The following PMFBP1 variants were observed in gnomAD, a reference collection of about 807,000 sequenced individuals.
The protein encoded by PMFBP1 is polyamine-modulated factor 1-binding protein 1.
PMFBP1 carries 131 observed loss-of-function variants against 137.8 expected under a neutral mutation model. That is an observed-to-expected ratio of 0.95 (90% CI 0.82 to 1.10). The LOEUF (loss-of-function observed/expected upper bound fraction) is 1.10. Among genes scored for constraint, PMFBP1 ranks in the 50% least tolerant of loss-of-function variants. The pLI, the probability that PMFBP1 is intolerant of heterozygous loss-of-function variation, is 0.00. For missense variants in PMFBP1, 1,199 were observed against 1,175.4 expected, an observed-to-expected ratio of 1.02 and a Z score of -0.29; for synonymous variants, 490 against 450.4, an observed-to-expected ratio of 1.09 and a Z score of -1.11.
the PMFBP1 span, among the ~76,000 whole-genome samples, chr16:72,240,978 AG>A: frequency 6.6e-6 from 1 of 151,950 alleles, no homozygotes; most frequent in Non-Finnish European, 1.5e-5. Context: ...GCAAAGGTGC[AG>A]GTGGAGGGGG....
chr16:72,240,965 G>C, the PMFBP1 span, among the ~76,000 whole-genome samples: 1 of 152,054 alleles, frequency 6.6e-6, no homozygotes, highest in African/African-American at 2.4e-5. Context: ...GAGAGAGAGA[G>C]TGGCAAAGGT....
intron 2 of PMFBP1, among the ~76,000 whole-genome samples, chr16:72,165,439 G>C (rs1406762872): frequency 6.7e-6 from 1 of 150,252 alleles, no homozygotes; most frequent in East Asian, 2.0e-4. Context: ...TTTTGAGACG[G>C]AGACTTGCTC....
At chr16:72,156,909 T>C (rs1168425026) in intron 3 of PMFBP1, among the ~76,000 whole-genome samples, 3 of 151,878 alleles carry the variant, frequency 2.0e-5, no homozygotes, top group South Asian at 2.1e-4. Flanking sequence ...CAAAATCGGC[T>C]GGGTGCGGTG....
upstream of PMFBP1, among the ~76,000 whole-genome samples, chr16:72,176,553 G>A (rs572234838): frequency 6.6e-4 from 101 of 152,312 alleles, no homozygotes; most frequent in African/African-American, 2.4e-3. Flanking sequence ...AAGAGAAGTA[G>A]TGCACAGCTC....
chr16:72,173,522 T>C (rs184097615), upstream of PMFBP1, among the ~76,000 whole-genome samples: 141 of 152,280 alleles, frequency 9.3e-4, 1 homozygote, highest in Non-Finnish European at 3.1e-4. Context: ...TGAAAATATA[T>C]TGAAATTTAC....
chr16:72,166,564 A>T (rs185428196), intron 2 of PMFBP1, among the ~76,000 whole-genome samples: 11 of 152,320 alleles, frequency 7.2e-5, no homozygotes, highest in African/African-American at 2.4e-4. Flanking sequence ...CTATTAAAGA[A>T]ACACTCCCAA....
chr16:72,205,078 C>A, the PMFBP1 span, among the ~76,000 whole-genome samples: 1 of 152,182 alleles, frequency 6.6e-6, no homozygotes, highest in South Asian at 2.1e-4. Context: ...ACTCTGGATG[C>A]CATCCTCAGT....
chr16:72,133,396 C>T (rs2042577703), intron 9 of PMFBP1, among the ~76,000 whole-genome samples: 1 of 152,068 alleles, frequency 6.6e-6, no homozygotes, highest in Non-Finnish European at 1.5e-5. Context: ...CCCGGCTGGT[C>T]TCAAACTCCT....
chr16:72,246,531 T>C, the PMFBP1 span, among the ~76,000 whole-genome samples: 1 of 151,938 alleles, frequency 6.6e-6, no homozygotes, highest in Non-Finnish European at 1.5e-5. Context: ...TGCTGTCCCT[T>C]CTGCTTGAGG....
chr16:72,150,976 A>G, intron 4 of PMFBP1, 147 bp from the exon 5 acceptor site: 1 of 699,260 alleles, frequency 1.4e-6, no homozygotes, highest in Non-Finnish European at 2.4e-6. Context: ...TCTAAAAGCT[A>G]CAGTATGTAA....
intron 2 of PMFBP1, among the ~76,000 whole-genome samples, chr16:72,167,858 A>G (rs1483453652): frequency 1.3e-5 from 2 of 152,236 alleles, no homozygotes; most frequent in African/African-American, 4.8e-5. Context: ...CTGAGGGCTC[A>G]CTAACAAAAT....
At chr16:72,217,277 GT>G in the PMFBP1 span, among the ~76,000 whole-genome samples, 1 of 152,072 alleles carries the variant, frequency 6.6e-6, no homozygotes, top group Non-Finnish European at 1.5e-5. Context: ...TGCACAGCAA[GT>G]TATTTATAAT....
chr16:72,157,814 G>A (rs1049649429), intron 3 of PMFBP1, among the ~76,000 whole-genome samples: 10 of 152,164 alleles, frequency 6.6e-5, no homozygotes, highest in South Asian at 2.1e-4. Context: ...GGATGACGGC[G>A]TGGACCAAGA....
chr16:72,177,690 G>C (rs939727551), upstream of PMFBP1, among the ~76,000 whole-genome samples: 1 of 152,094 alleles, frequency 6.6e-6, no homozygotes, highest in African/African-American at 2.4e-5. Context: ...ACTTTGTTAG[G>C]ATGTCACCAG....
At chr16:72,224,744 T>C in the PMFBP1 span, 14 of 152,302 alleles carry the variant, frequency 9.2e-5, no homozygotes, top group African/African-American at 3.1e-4. Context: ...ACAGTGCCTG[T>C]GAATACTTGT....
At chr16:72,201,996 A>G in the PMFBP1 span, among the ~76,000 whole-genome samples, 1 of 152,188 alleles carries the variant, frequency 6.6e-6, no homozygotes, top group Non-Finnish European at 1.5e-5. Flanking sequence ...CTACCTTGTA[A>G]TAGAGTTATT....
chr16:72,164,387 T>C, intron 3 of PMFBP1: 1 of 1,294,654 alleles, frequency 7.7e-7, no homozygotes, highest in Non-Finnish European at 1.0e-6. Flanking sequence ...GCAGGTGTGA[T>C]GGTTTTTATT....
intron 1 of PMFBP1, 56 bp downstream of exon 1, chr16:72,171,998 T>C (rs895913020): frequency 6.6e-6 from 1 of 152,198 alleles, no homozygotes; most frequent in Non-Finnish European, 1.5e-5. Flanking sequence ...ATTAAAATCA[T>C]CTCATTCATT....
intron 14 of PMFBP1, among the ~76,000 whole-genome samples, chr16:72,126,379 C>T (rs949333803): frequency 3.3e-5 from 5 of 152,206 alleles, no homozygotes; most frequent in Admixed American, 2.0e-4. Flanking sequence ...GGAGTACCAG[C>T]GGTGCTGGGG....
Sources: allele counts gnomAD v4.1 joint callset (sites outside exome capture counted in the v4.1 genomes callset), GRCh38; gene constraint gnomAD v4.1.1; transcripts MANE v1.5; gene names NCBI Gene and HGNC (gene_info 2026-07-23, HGNC 2026-07-21).